Variants in RHOT2 observed in about 807,000 individuals in gnomAD.
The protein encoded by RHOT2 is ras homolog family member T2.
RHOT2 carries 90 observed loss-of-function variants against 81.6 expected under a neutral mutation model. That is an observed-to-expected ratio of 1.10 (90% confidence interval 0.93 to 1.31). The LOEUF (loss-of-function observed/expected upper bound fraction) is 1.31. Among genes scored for constraint, RHOT2 ranks in the 40% most tolerant of loss-of-function variants. The pLI is 0.00. For missense variants in RHOT2, 1,014 were observed against 841.9 expected (o/e 1.20, Z -2.53); for synonymous variants, 512 against 370.9 (o/e 1.38, Z -4.37).
chr16:670,306 G>C lies in RHOT2; in HGVS notation c.387G>C (p.Glu129Asp). The C allele has an allele frequency of 6.2e-7, 1 of 1,612,836 alleles. No homozygotes were observed. The highest frequency in any genetic ancestry group is 8.5e-7 in the Non-Finnish European group (1 of 1,179,962). Residue 129 changes from glutamate (E) to aspartate (D), a missense_variant, in exon 7 of 19, where the codon GAG becomes GAC. By Grantham distance (45) the Glu-to-Asp change is conservative (BLOSUM62 2). Transcript: ENST00000315082. ...ACCTGCGGTCGGGGAGCTCCATGGA[G>C]GCCGTGCTCCCCATCATGAGCCAGT... Reference protein sequence around the residue: ...KSDLRSGSSMEAVLPIMSQFP... With the variant: ...KSDLRSGSSMDAVLPIMSQFP...
At position 672,231 on chromosome 16, in the gene RHOT2, C is replaced by G. The variant is rs769662131; in HGVS notation, c.1196-23C>G. The G allele has an allele frequency of 3.7e-6, 6 of 1,611,778 alleles. No homozygotes were observed. In the Admixed American group the frequency reaches 6.7e-5, roughly 18 times the overall value. ...TGGGCCCAGTATCCTGGCAGCTGCC[C>G]TAACCCGTGTCTATCCTCACAGTCA... On this transcript the variant is annotated intron_variant, in intron 14 of 18. Coordinates refer to ENST00000315082, the MANE Select transcript of RHOT2 (RefSeq NM_138769.3).
Position 670,116 on chromosome 16 carries a change from T to A in RHOT2, c.277-7T>A. On this transcript the variant is annotated splice_polypyrimidine_tract_variant and splice_region_variant and intron_variant, in intron 5 of 18. Coordinates refer to ENST00000315082, the MANE Select transcript of RHOT2 (RefSeq NM_138769.3). ...GCCTCACTTCACAGCCAGGCTTTGCTTTTCAGATTCGAACTAAGTGGATCC... is the reference window on the plus strand; with the variant it reads ...GCCTCACTTCACAGCCAGGCTTTGCATTTCAGATTCGAACTAAGTGGATCC... 6.4e-7 allele frequency: 1 copy of A among 1,559,194 alleles called. No individual in the cohort carries two copies. The highest frequency in any genetic ancestry group is 8.7e-7 in the Non-Finnish European group (1 of 1,154,022).
chr16:668,498 G>A lies in RHOT2; in HGVS notation c.107G>A (p.Arg36His). ...GEEFPEEVPP[R>H]AEEITIPADV... ...GCGGGTCCCTTGCAGGTCCCTCCCC[G>A]CGCGGAGGAGATCACCATCCCCGCG... Residue 36 changes from arginine to histidine, a missense_variant, in exon 3 of 19, where the codon CGC becomes CAC. Arg to His is a conservative substitution (Grantham distance 29, BLOSUM62 0). Coordinates refer to ENST00000315082, the MANE Select transcript of RHOT2 (RefSeq NM_138769.3). 1.2e-6 allele frequency: 2 copies of A among 1,607,548 alleles called. No individual in the cohort carries two copies. The highest frequency in any genetic ancestry group is 2.2e-5 in the East Asian group (1 of 44,488).
intron 15 of RHOT2, 24 bp from the exon 16 acceptor site, chr16:672,465 G>GT: frequency 6.2e-7 from 1 of 1,612,240 alleles, no homozygotes; most frequent in Non-Finnish European, 8.5e-7. Context: ...CAGCCAGCGA[G>GT]TGTCAGGACT....
chr16:669,624 A>C lies in RHOT2; in HGVS notation c.276+18A>C. ...TTGAGAAGGTGAGCCCTCAGTGCAG[A>C]CCCCAACAGCAGAGACACAGTGGCC... is the stretch of plus-strand genomic sequence containing the variant. On this transcript the variant is annotated intron_variant, in intron 5 of 18. Transcript: ENST00000315082. 6.2e-7 allele frequency: 1 copy of C among 1,610,572 alleles called. No individual in the cohort carries two copies. Among genetic ancestry groups the C allele is most frequent in the Non-Finnish European group, 8.5e-7 (1 of 1,179,444 alleles).
At position 673,021 on chromosome 16, in the gene RHOT2, G is replaced by A. The variant is rs145260729; in HGVS notation, c.1621G>A (p.Glu541Lys). 582 of 1,612,440 alleles carry A rather than the reference G, an allele frequency of 3.6e-4. 3 individuals carry two copies. The African/African-American group carries it at 6.5e-3, about 18-fold the overall frequency. Residue 541 changes from glutamate (E) to lysine (K), a missense_variant, in exon 18 of 19, where the codon GAG becomes AAG. Physicochemically the swap from Glu to Lys is moderately conservative, Grantham distance 56 (BLOSUM62 1). Coordinates refer to ENST00000315082, the MANE Select transcript of RHOT2 (RefSeq NM_138769.3). ...GVAVSGPSPA[E>K]FCRKHRLPAP... is the part of the protein sequence containing the mutation. ...CGCGGTGTCTGGCCCATCACCGGCCGAGTTTTGCCGCAAGCACCGGCTACC... is the reference window on the plus strand; with the variant it reads ...CGCGGTGTCTGGCCCATCACCGGCCAAGTTTTGCCGCAAGCACCGGCTACC...
intron 11 of RHOT2, chr16:671,418 G>A (rs913109268): frequency 6.0e-6 from 4 of 662,436 alleles, no homozygotes; most frequent in Non-Finnish European, 7.4e-6. Context: ...GGGGGTGGGG[G>A]GGCTGGCCCT....
In RHOT2 at chr16:670,467, G is replaced by T; in HGVS notation, c.450G>T (p.Lys150Asn). The change falls in exon 8 of 19, where the codon AAG becomes AAT. Residue 150 changes from lysine to asparagine, a missense_variant. Physicochemically the swap from Lys to Asn is moderately conservative, Grantham distance 94. Coordinates refer to ENST00000315082, the MANE Select transcript of RHOT2 (RefSeq NM_138769.3). ...EIETCVECSA[K>N]NLRNISELFY... ...TCCCACTTTCCCAGTGTTCGGCCAA[G>T]AACCTGAGGAACATCTCAGAGCTGT... 6.2e-7 allele frequency: 1 copy of T among 1,606,252 alleles called. No individual in the cohort carries two copies. The highest frequency in any genetic ancestry group is 1.1e-5 in the South Asian group (1 of 90,158).
In RHOT2 at chr16:668,649, C is replaced by G. The variant is rs529102950; in HGVS notation, c.179-7C>G. 51 of 1,607,072 alleles carry G rather than the reference C, an allele frequency of 3.2e-5. No homozygotes were observed. In the South Asian group the frequency reaches 4.9e-4, roughly 15 times the overall value. On this transcript the variant is annotated splice_region_variant and splice_polypyrimidine_tract_variant and intron_variant, in intron 3 of 18. Coordinates refer to ENST00000315082, the MANE Select transcript of RHOT2 (RefSeq NM_138769.3). Reference sequence around the variant, plus strand: ...GGGTCCGCAGTGGAGTCTCTTTGTCCCCCTAGAAGCCGAGCAGACGGACGA... The same window carrying G: ...GGGTCCGCAGTGGAGTCTCTTTGTCGCCCTAGAAGCCGAGCAGACGGACGA...
In RHOT2 at chr16:668,255, G is replaced by A. The variant is rs376753008; in HGVS notation, c.37+19G>A. 5 of 822,064 alleles carry A rather than the reference G, an allele frequency of 6.1e-6. No homozygotes were observed. The East Asian group carries it at 1.5e-4, about 25-fold the overall frequency. The allele number at this position is 822,064 out of a possible 1,614,324, so 50.9% of individuals were successfully genotyped here. A position where few individuals can be genotyped will look rare whatever the true frequency, so the allele number is the denominator to read the frequency against. Reference sequence around the variant, plus strand: ...GGCGAGGGTAGGCGCCGGCCCGGGGGTCTCGGAGCTGCGGCGGCCGTGAGG... The same window carrying A: ...GGCGAGGGTAGGCGCCGGCCCGGGGATCTCGGAGCTGCGGCGGCCGTGAGG... On this transcript the variant is annotated intron_variant, in intron 1 of 18. Coordinates refer to ENST00000315082, the MANE Select transcript of RHOT2 (RefSeq NM_138769.3).
rs532359382 is a variant in RHOT2, at chr16:672,309, C to A, written c.1251C>A (p.Leu417=). The A allele has an allele frequency of 6.2e-7, 1 of 1,612,438 alleles. No individual in the cohort carries two copies. The highest frequency in any genetic ancestry group is 2.2e-5 in the East Asian group (1 of 44,872). The change falls in exon 15 of 19, where the codon CTC becomes CTA. Residue 417 remains leucine, a synonymous_variant. Transcript: ENST00000315082. ...AGGGACAGACGCAGCGGAGCGTCCT[C>A]CTGTGCAAGGTGGTAGGGGCCCGTG... ...QEKGQTQRSV[L]LCKVVGARGV... is the part of the protein sequence containing the mutation.
Position 673,540 on chromosome 16 carries a change from T to A in RHOT2, c.1791T>A (p.Val597=). Reference sequence around the variant, plus strand: ...TCTGGCTCCGGGGGCTGCTGGGGGTTGTCGGGGCCGCCGTGGCCGCAGTCC... The same window carrying A: ...TCTGGCTCCGGGGGCTGCTGGGGGTAGTCGGGGCCGCCGTGGCCGCAGTCC... The part of the protein sequence containing the change: ...SSFWLRGLLG[V]VGAAVAAVLS... Residue 597 remains valine (V), a synonymous_variant, in exon 19 of 19, where the codon GTT becomes GTA. Transcript: ENST00000315082. The A allele has an allele frequency of 3.1e-6, 5 of 1,612,566 alleles. No individual in the cohort carries two copies. Among genetic ancestry groups the A allele is most frequent in the Non-Finnish European group, 4.2e-6 (5 of 1,179,906 alleles).
chr16:672,863 G>T (rs771350750), intron 17 of RHOT2, 38 bp downstream of exon 17: 3 of 1,612,490 alleles, frequency 1.9e-6, no homozygotes, highest in East Asian at 2.2e-5. Context: ...ATGGGGCAGG[G>T]TCTGTCCCTC....
rs767413601 is a variant in RHOT2, at chr16:672,068, T to A, written c.1098-16T>A. 27 of 1,601,660 alleles carry A rather than the reference T, an allele frequency of 1.7e-5. No homozygotes were observed. The East Asian group carries it at 4.3e-4, about 25-fold the overall frequency. On this transcript the variant is annotated splice_polypyrimidine_tract_variant and intron_variant, in intron 13 of 18. Transcript: ENST00000315082. ...TCCCCACCATAACACTGTGCCTGCCTCCCGCCCACCCCCAGCCTGGTGACC... is the reference window on the plus strand; with the variant it reads ...TCCCCACCATAACACTGTGCCTGCCACCCGCCCACCCCCAGCCTGGTGACC...
rs1330189612 is a variant in RHOT2, at chr16:669,721, A to G, written c.276+115A>G. On this transcript the variant is annotated intron_variant, in intron 5 of 18. Coordinates refer to ENST00000315082, the MANE Select transcript of RHOT2 (RefSeq NM_138769.3). ...CGCTCACAGCATTTTGGGGAGCCTG[A>G]CGTGGAGTTGCCTGACGTGGAGTCA... 4 of 1,082,836 alleles carry G rather than the reference A, an allele frequency of 3.7e-6. No individual in the cohort carries two copies. The African/African-American group carries it at 6.3e-5, about 17-fold the overall frequency. 67.1% of individuals were successfully genotyped at this position (1,082,836 alleles called of 1,614,324 possible). A position where few individuals can be genotyped will look rare whatever the true frequency, so the allele number is the denominator to read the frequency against.
chr16:668,959 C>T (rs900438797), intron 4 of RHOT2: 10 of 531,798 alleles, frequency 1.9e-5, no homozygotes, highest in Middle Eastern at 4.8e-4. Context: ...GCAGCGTTTG[C>T]TCTTCCTGTG....
chr16:672,463 G>A (rs755416665), intron 15 of RHOT2, 26 bp from the exon 16 acceptor site: 15 of 1,611,956 alleles, frequency 9.3e-6, no homozygotes, highest in Middle Eastern at 1.6e-4. Context: ...TGCAGCCAGC[G>A]AGTGTCAGGA....
chr16:668,441 A>G lies in RHOT2; in HGVS notation c.96+30A>G, dbSNP rs761854817. ...GGGGCACGCCCGCCGCGGGGGTGGG[A>G]GCGGGCCCAGCCGGGGGTCCCTGGT... On this transcript the variant is annotated intron_variant, in intron 2 of 18. Transcript: ENST00000315082. 32 of 1,565,316 alleles carry G rather than the reference A, an allele frequency of 2.0e-5. 1 individual carries two copies. The East Asian group carries it at 7.5e-4, about 37-fold the overall frequency.
chr16:668,819 C>A, intron 4 of RHOT2, 120 bp downstream of exon 4: 1 of 1,107,884 alleles, frequency 9.0e-7, no homozygotes, highest in Non-Finnish European at 1.3e-6. Flanking sequence ...ATTCTGTGAC[C>A]TCCGCACTGA....
Sources: allele counts gnomAD v4.1 joint callset, GRCh38; gene constraint gnomAD v4.1.1; transcripts MANE v1.5; gene names NCBI Gene and HGNC (gene_info 2026-07-23, HGNC 2026-07-21).